CHST11: variants seen among roughly 807,000 people sequenced by gnomAD.
CHST11 encodes carbohydrate sulfotransferase 11.
In CHST11, 9 loss-of-function variants were observed where a neutral mutation model predicts 30.4. That is an observed-to-expected ratio of 0.30 (90% confidence interval 0.18 to 0.52). The LOEUF is 0.52. Among genes scored for constraint, CHST11 ranks in the 20% least tolerant of loss-of-function variants. The pLI is 0.97. For synonymous variants in CHST11, 152 were observed against 187.8 expected (o/e 0.81, Z 1.56); for missense variants, 348 against 460.6 (o/e 0.76, Z 2.24).
intron 1 of CHST11, among the ~76,000 whole-genome samples, chr12:104,490,592 A>G (rs7972201): frequency 0.26 from 38,842 of 152,152 alleles, 5,247 homozygotes; most frequent in Non-Finnish European, 0.29. Context: ...GAAAAGTTCA[A>G]CAAAAGCAAG....
chr12:104,719,685 ACCC>A (rs1376912520), intron 2 of CHST11, among the ~76,000 whole-genome samples: 2 of 152,064 alleles, frequency 1.3e-5, no homozygotes, highest in African/African-American at 4.8e-5. Context: ...CTTAGCTGGG[ACCC>A]CTCTTTATTT....
intron 1 of CHST11, 91 bp downstream of exon 1, chr12:104,457,620 ACCTCTCCG>A (rs2037365886): frequency 3.2e-6 from 3 of 941,898 alleles, no homozygotes. Context: ...TTCCAACCCT[ACCTCTCCG>A]CCTTCGGCCT....
At chr12:104,508,539 C>A (rs575724575) in intron 1 of CHST11, among the ~76,000 whole-genome samples, 11 of 152,256 alleles carry the variant, frequency 7.2e-5, no homozygotes, top group African/African-American at 2.6e-4. Context: ...CTGGGAAAAA[C>A]AAAGCAAAAT....
intron 1 of CHST11, among the ~76,000 whole-genome samples, chr12:104,490,910 G>A (rs1311590197): frequency 1.3e-5 from 2 of 152,102 alleles, no homozygotes; most frequent in East Asian, 1.9e-4. Context: ...AAAACACAGG[G>A]CGATCTTTGG....
intron 2 of CHST11, among the ~76,000 whole-genome samples, chr12:104,733,917 C>T (rs973452941): frequency 2.0e-5 from 3 of 152,252 alleles, no homozygotes; most frequent in African/African-American, 2.4e-5. Flanking sequence ...CTGATGATGC[C>T]ATGATGGCTG....
At chr12:104,601,302 C>T (rs2038955412) in intron 1 of CHST11, among the ~76,000 whole-genome samples, 1 of 152,120 alleles carries the variant, frequency 6.6e-6, no homozygotes, top group Non-Finnish European at 1.5e-5. Flanking sequence ...TATTCCCCCT[C>T]TTTTATTAAT....
At chr12:104,730,538 T>A (rs2040248495) in intron 2 of CHST11, among the ~76,000 whole-genome samples, 1 of 152,060 alleles carries the variant, frequency 6.6e-6, no homozygotes, top group African/African-American at 2.4e-5. Context: ...TGACACAGTA[T>A]GATGAAATGG....
At chr12:104,649,705 C>G (rs528968294) in intron 2 of CHST11, among the ~76,000 whole-genome samples, 157 of 152,324 alleles carry the variant, frequency 1.0e-3, no homozygotes, top group African/African-American at 3.3e-3. Flanking sequence ...ATCTGAACAA[C>G]TGCCCAGGAG....
At chr12:104,615,130 C>T (rs10507177) in intron 2 of CHST11, among the ~76,000 whole-genome samples, 90,065 of 152,016 alleles carry the variant, frequency 0.59, 27,228 homozygotes, top group East Asian at 0.91. Flanking sequence ...CGAAGCTGAC[C>T]GTCCTTGGAA....
intron 1 of CHST11, among the ~76,000 whole-genome samples, chr12:104,545,844 A>T (rs2038342256): frequency 6.6e-6 from 1 of 150,696 alleles, no homozygotes; most frequent in Non-Finnish European, 1.5e-5. Flanking sequence ...TCTTTTTTTA[A>T]AAGCAGCATC....
At chr12:104,654,522 C>T (rs1163194928) in intron 2 of CHST11, among the ~76,000 whole-genome samples, 1 of 152,140 alleles carries the variant, frequency 6.6e-6, no homozygotes, top group African/African-American at 2.4e-5. Context: ...CCTGGGGTCC[C>T]TGGATTCCCC....
intron 1 of CHST11, among the ~76,000 whole-genome samples, chr12:104,482,194 C>T (rs1436461401): frequency 6.6e-6 from 1 of 151,006 alleles, no homozygotes; most frequent in African/African-American, 2.4e-5. Flanking sequence ...TCCTATTCCT[C>T]ACTACCTTCT....
At chr12:104,753,638 A>G (rs1189563329) in intron 2 of CHST11, among the ~76,000 whole-genome samples, 1 of 152,232 alleles carries the variant, frequency 6.6e-6, no homozygotes, top group East Asian at 1.9e-4. Context: ...CTAAGGAAGA[A>G]TATTCTGGAA....
intron 2 of CHST11, among the ~76,000 whole-genome samples, chr12:104,655,746 G>A (rs944333075): frequency 2.6e-5 from 4 of 152,172 alleles, no homozygotes; most frequent in Non-Finnish European, 5.9e-5. Context: ...AAGTCCCTGA[G>A]TACAAAAGGG....
intron 1 of CHST11, among the ~76,000 whole-genome samples, chr12:104,521,147 G>C (rs2038070407): frequency 6.6e-6 from 1 of 152,190 alleles, no homozygotes; most frequent in Non-Finnish European, 1.5e-5. Context: ...GAGATCCAAA[G>C]GAAGGTTCAG....
chr12:104,731,047 G>A (rs750605380), intron 2 of CHST11, among the ~76,000 whole-genome samples: 9 of 152,152 alleles, frequency 5.9e-5, no homozygotes, highest in Non-Finnish European at 1.0e-4. Flanking sequence ...CTCCACTTAC[G>A]AGCTGTCTTC....
chr12:104,494,219 A>T (rs973917828), intron 1 of CHST11, among the ~76,000 whole-genome samples: 8 of 152,090 alleles, frequency 5.3e-5, no homozygotes, highest in African/African-American at 1.9e-4. Context: ...CTCCAAGGAG[A>T]TCCCCTCTGA....
At chr12:104,673,631 C>T (rs1436986898) in intron 2 of CHST11, among the ~76,000 whole-genome samples, 1 of 152,208 alleles carries the variant, frequency 6.6e-6, no homozygotes, top group Non-Finnish European at 1.5e-5. Flanking sequence ...ATCATGGCAT[C>T]ATAATCATCA....
Position 104,757,380 on chromosome 12 carries a change from C to G in CHST11, c.636C>G (p.Tyr212Ter). ...ACAACATCTCCTTCCACAAGCGGTA[C>G]GGCACCAAGATCATCAAACGCCAGC... ...QKYNISFHKR[Y>*]GTKIIKRQRK... Residue 212 changes from tyrosine (Y) to a stop codon, truncating the protein, a stop_gained, in exon 3 of 3, where the codon TAC becomes TAG. Coordinates refer to ENST00000303694, the MANE Select transcript of CHST11 (RefSeq NM_018413.6). LOFTEE classifies it high-confidence loss of function. This position sits in a 1 kb window ranked among gnomAD's most constrained non-coding sequence, Gnocchi z 6.5. The G allele has an allele frequency of 1.2e-6, 2 of 1,614,114 alleles. No individual in the cohort carries two copies. Among genetic ancestry groups the G allele is most frequent in the Non-Finnish European group, 1.7e-6 (2 of 1,180,028 alleles).
Sources: allele counts gnomAD v4.1 joint callset (sites outside exome capture counted in the v4.1 genomes callset), GRCh38; gene constraint gnomAD v4.1.1; non-coding constraint Gnocchi (gnomAD v3.1); transcripts MANE v1.5; gene names NCBI Gene and HGNC (gene_info 2026-07-23, HGNC 2026-07-21).